Variants in FRMD3 observed in about 807,000 individuals in gnomAD.
FRMD3 encodes FERM domain-containing protein 3.
In FRMD3, 33 loss-of-function variants were observed where a neutral mutation model predicts 70.2. The ratio of observed to expected loss-of-function variants is 0.47; its 90% confidence interval spans 0.36 to 0.63. FRMD3 has a LOEUF of 0.63. FRMD3 is among the 20% of genes least tolerant of loss of function. The probability of loss-of-function intolerance (pLI) is 0.00; values close to 1 mark genes in which losing one functional copy is unlikely to be tolerated. For synonymous variants in FRMD3, 279 were observed against 255.9 expected (o/e 1.09, Z -0.86); for missense variants, 632 against 711.4 (o/e 0.89, Z 1.27).
the FRMD3 span, among the ~76,000 whole-genome samples, chr9:83,550,677 A>C: frequency 2.2e-5 from 3 of 139,354 alleles, no homozygotes; most frequent in African/African-American, 8.1e-5. Flanking sequence ...AGTTAGCTGT[A>C]GTCCTAGGTA....
intron 1 of FRMD3, among the ~76,000 whole-genome samples, chr9:83,521,002 G>A (rs1175634306): frequency 2.0e-5 from 3 of 148,586 alleles, no homozygotes; most frequent in East Asian, 2.0e-4. Flanking sequence ...AGCCAGGCAT[G>A]GTTGTTGGCA....
chr9:83,412,951 T>C (rs1159941671), intron 1 of FRMD3, among the ~76,000 whole-genome samples: 1 of 151,270 alleles, frequency 6.6e-6, no homozygotes, highest in Non-Finnish European at 1.5e-5. Flanking sequence ...GCCGAGATCA[T>C]GCCACTGCAT....
intron 10 of FRMD3, among the ~76,000 whole-genome samples, chr9:83,302,641 T>TC (rs1834970989): frequency 6.6e-6 from 1 of 152,116 alleles, no homozygotes; most frequent in African/African-American, 2.4e-5. Flanking sequence ...TCAAACCTCT[T>TC]CATCGCCTTC....
intron 3 of FRMD3, among the ~76,000 whole-genome samples, chr9:83,370,742 T>A (rs972971601): frequency 2.0e-5 from 3 of 152,058 alleles, no homozygotes; most frequent in African/African-American, 7.2e-5. Context: ...TGAAACCCGG[T>A]CTCTACTAAA....
chr9:83,438,866 C>T (rs1488104914), intron 1 of FRMD3, among the ~76,000 whole-genome samples: 1 of 152,208 alleles, frequency 6.6e-6, no homozygotes, highest in East Asian at 1.9e-4. Flanking sequence ...TTGTTCCCAC[C>T]TCTGTGCTGC....
intron 1 of FRMD3, among the ~76,000 whole-genome samples, chr9:83,390,691 G>A (rs1825643656): frequency 6.6e-6 from 1 of 152,126 alleles, no homozygotes; most frequent in South Asian, 2.1e-4. Flanking sequence ...TCAGAGCAAA[G>A]ACCCTTCTAA....
At chr9:83,445,341 AATAGATAGATAGATAGATAGATAG>A (rs56369819) in intron 1 of FRMD3, among the ~76,000 whole-genome samples, 1 of 146,542 alleles carries the variant, frequency 6.8e-6, no homozygotes, top group African/African-American at 2.5e-5. Context: ...CTCAAAAATA[AATAGATAGATAGATAGATAGATAG>A]ATAGATAGAT....
At chr9:83,486,646 C>T (rs573666636) in intron 1 of FRMD3, among the ~76,000 whole-genome samples, 10 of 152,092 alleles carry the variant, frequency 6.6e-5, no homozygotes, top group African/African-American at 2.4e-4. Flanking sequence ...GCAATTGCAA[C>T]AAAAACAAAA....
chr9:83,525,198 T>C (rs1490091558), intron 1 of FRMD3, among the ~76,000 whole-genome samples: 1 of 152,226 alleles, frequency 6.6e-6, no homozygotes, highest in Non-Finnish European at 1.5e-5. Flanking sequence ...CAACAAATTA[T>C]ACTTCTGAGG....
At chr9:83,566,303 C>T in the FRMD3 span, among the ~76,000 whole-genome samples, 1 of 152,130 alleles carries the variant, frequency 6.6e-6, no homozygotes, top group Non-Finnish European at 1.5e-5. Flanking sequence ...AAGACCAATG[C>T]CCATGGTTCA....
rs1361922226 is a variant in FRMD3 at position 83,372,960 on chromosome 9, G to C, written c.253-5C>G. On this transcript the variant is annotated splice_region_variant and splice_polypyrimidine_tract_variant and intron_variant, in intron 2 of 13. Coordinates refer to ENST00000304195, the MANE Select transcript of FRMD3 (RefSeq NM_174938.6). ...CTTGTTAGGTTCAAGCCAGTGCTAG[G>C]GAGGAAAAAAAAAAAAGCAGAGATC... The C allele has an allele frequency of 6.3e-7, 1 of 1,579,800 alleles. No homozygotes were observed. Among genetic ancestry groups the C allele is most frequent in the Non-Finnish European group, 8.6e-7 (1 of 1,168,812 alleles).
chr9:83,386,961 T>C (rs1302532241), intron 2 of FRMD3, among the ~76,000 whole-genome samples: 1 of 152,218 alleles, frequency 6.6e-6, no homozygotes, highest in Non-Finnish European at 1.5e-5. Flanking sequence ...CAGTGCATGG[T>C]ATCAGGAGGT....
intron 1 of FRMD3, among the ~76,000 whole-genome samples, chr9:83,463,391 G>A (rs1460299383): frequency 6.6e-6 from 1 of 152,176 alleles, no homozygotes; most frequent in Non-Finnish European, 1.5e-5. Context: ...AAGGCCTCAG[G>A]AAACTTATAA....
chr9:83,363,203 G>A (rs1824666257), intron 3 of FRMD3, among the ~76,000 whole-genome samples: 1 of 152,098 alleles, frequency 6.6e-6, no homozygotes, highest in Admixed American at 6.5e-5. Flanking sequence ...GGTAACCACA[G>A]TTAAGTATAC....
At chr9:83,304,239 T>A (rs148641149) in intron 10 of FRMD3, among the ~76,000 whole-genome samples, 2 of 152,196 alleles carry the variant, frequency 1.3e-5, no homozygotes, top group Non-Finnish European at 2.9e-5. Flanking sequence ...TCCACTTTAA[T>A]TGGGTCTGGG....
chr9:83,363,812 C>A (rs909971297), intron 3 of FRMD3, among the ~76,000 whole-genome samples: 1 of 152,074 alleles, frequency 6.6e-6, no homozygotes, highest in Non-Finnish European at 1.5e-5. Flanking sequence ...CCTTGGCCTC[C>A]CAAAGTACTG....
intron 10 of FRMD3, among the ~76,000 whole-genome samples, chr9:83,304,866 T>C (rs1835063148): frequency 6.6e-6 from 1 of 152,192 alleles, no homozygotes; most frequent in African/African-American, 2.4e-5. Flanking sequence ...TAAGTCTGTG[T>C]TGGAGATCCC....
intron 2 of FRMD3, among the ~76,000 whole-genome samples, chr9:83,374,590 C>A (rs1384835857): frequency 6.6e-6 from 1 of 152,182 alleles, no homozygotes; most frequent in Non-Finnish European, 1.5e-5. Flanking sequence ...GATGCTTAAT[C>A]TCTCTGTGTC....
chr9:83,279,775 A>G (rs1833909769), intron 13 of FRMD3, among the ~76,000 whole-genome samples: 1 of 149,238 alleles, frequency 6.7e-6, no homozygotes, highest in Non-Finnish European at 1.5e-5. Flanking sequence ...AGAGAGGGGA[A>G]CAACACACAC....
Sources: allele counts gnomAD v4.1 joint callset (sites outside exome capture counted in the v4.1 genomes callset), GRCh38; gene constraint gnomAD v4.1.1; transcripts MANE v1.5; gene names NCBI Gene and HGNC (gene_info 2026-07-23, HGNC 2026-07-21).